The following ASPH variants were observed in gnomAD, a reference collection of about 807,000 sequenced individuals.
The protein encoded by ASPH is aspartyl/asparaginyl beta-hydroxylase.
A neutral mutation model predicts 118.4 loss-of-function variants in ASPH; 100 were observed. The observed-to-expected ratio is 0.84, with a 90% CI of 0.72 to 1.00. The LOEUF (loss-of-function observed/expected upper bound fraction) is 1.00, where lower values mean the gene tolerates loss of function less well. Among genes scored for constraint, ASPH ranks in the 50% least tolerant of loss-of-function variants. The pLI, the probability that ASPH is intolerant of heterozygous loss-of-function variation, is 0.00. For synonymous variants in ASPH, 315 were observed against 325.6 expected (o/e 0.97, Z 0.35); for missense variants, 920 against 919.5 (o/e 1.00, Z -0.01).
chr8:61,639,972 G>A (rs1212036406), intron 10 of ASPH, among the ~76,000 whole-genome samples: 2 of 152,156 alleles, frequency 1.3e-5, no homozygotes, highest in African/African-American at 2.4e-5. Flanking sequence ...TACCTTCTAA[G>A]CATTTCTCAA....
intron 24 of ASPH, among the ~76,000 whole-genome samples, chr8:61,516,684 T>A (rs1279864356): frequency 6.6e-6 from 1 of 152,218 alleles, no homozygotes; most frequent in Admixed American, 6.5e-5. Context: ...TGAGAGGTTC[T>A]ATTTTTATAA....
At chr8:61,626,686 GC>G (rs1302015930) in intron 13 of ASPH, among the ~76,000 whole-genome samples, 1 of 149,248 alleles carries the variant, frequency 6.7e-6, no homozygotes, top group African/African-American at 2.5e-5. Context: ...AAAATATATT[GC>G]TTTAAAAATT....
intron 21 of ASPH, among the ~76,000 whole-genome samples, chr8:61,528,149 G>A (rs80243674): frequency 6.6e-6 from 1 of 152,076 alleles, no homozygotes; most frequent in Non-Finnish European, 1.5e-5. Flanking sequence ...CACCAACTAG[G>A]TTCCATATTA....
At position 61,672,523 on chromosome 8, in the gene ASPH, T is replaced by TAAA. The variant is rs111934417; in HGVS notation, c.322+8442_322+8444dup. ...ACCACTTATTTAAACCAGTTTTTTT[T>TAAA]AAAAAAAAAAAACTCAGTATTTTAT... On this transcript the variant is annotated intron_variant, in intron 3 of 24. Transcript: ENST00000379454. Among the ~76,000 whole-genome samples, 6 of 147,600 alleles carry TAAA rather than the reference T, an allele frequency of 4.1e-5. No homozygotes were observed. In the South Asian group the frequency reaches 6.4e-4, roughly 16 times the overall value.
At chr8:61,548,323 G>T in intron 20 of ASPH, 115 bp from the exon 21 acceptor site, 2 of 1,275,926 alleles carry the variant, frequency 1.6e-6, no homozygotes, top group Non-Finnish European at 1.0e-6. Flanking sequence ...TAAATAAAGA[G>T]CTTACTGCTA....
chr8:61,694,433 C>T (rs954771210), intron 1 of ASPH, among the ~76,000 whole-genome samples: 5 of 152,186 alleles, frequency 3.3e-5, no homozygotes, highest in African/African-American at 1.2e-4. Flanking sequence ...CTGTAGGCTT[C>T]CATCTGGTTT....
At position 61,579,493 on chromosome 8, in the gene ASPH, C is replaced by T. The variant is rs550795299; in HGVS notation, c.1063-2635G>A. ...AGCGGCTATGCAGGTGGTCTGAGCT[C>T]GGCCTATGGGGGCCTCACAAGCCCC... is the stretch of plus-strand genomic sequence containing the variant. On this transcript the variant is annotated intron_variant, in intron 15 of 24. Coordinates refer to ENST00000379454, the MANE Select transcript of ASPH (RefSeq NM_004318.4). 344 of 1,592,112 alleles carry T rather than the reference C, an allele frequency of 2.2e-4. 1 individual carries two copies. In the African/African-American group the frequency reaches 3.7e-3, roughly 17 times the overall value.
intron 3 of ASPH, among the ~76,000 whole-genome samples, chr8:61,672,468 T>C (rs1823076419): frequency 6.6e-6 from 1 of 152,068 alleles, no homozygotes; most frequent in East Asian, 1.9e-4. Context: ...AAATGTCATT[T>C]CTATTGCAAA....
intron 2 of ASPH, 111 bp from the exon 3 acceptor site, chr8:61,681,147 A>T: frequency 1.3e-6 from 1 of 795,684 alleles, no homozygotes; most frequent in Non-Finnish European, 1.9e-6. Context: ...ACCAATTAAT[A>T]CAATTCTTTG....
At chr8:61,504,194 G>A (rs907152760) in intron 24 of ASPH, among the ~76,000 whole-genome samples, 2 of 152,168 alleles carry the variant, frequency 1.3e-5, no homozygotes, top group Non-Finnish European at 1.5e-5. Context: ...AGTCTATTAA[G>A]AGAGAAACAT....
chr8:61,612,319 A>G (rs923707772), intron 14 of ASPH, among the ~76,000 whole-genome samples: 1 of 152,100 alleles, frequency 6.6e-6, no homozygotes, highest in Non-Finnish European at 1.5e-5. Context: ...ACTTGAAGAT[A>G]TAATAATATA....
At chr8:61,587,599 TA>T (rs1839851187) in intron 14 of ASPH, among the ~76,000 whole-genome samples, 1 of 152,226 alleles carries the variant, frequency 6.6e-6, no homozygotes, top group Non-Finnish European at 1.5e-5. Flanking sequence ...AGCAAAATTA[TA>T]TGCTTGTTAA....
intron 5 of ASPH, 129 bp downstream of exon 5, chr8:61,650,921 A>C: frequency 1.1e-6 from 1 of 895,078 alleles, no homozygotes. Flanking sequence ...CTAACTTTGA[A>C]TTCAAAAACT....
intron 18 of ASPH, among the ~76,000 whole-genome samples, chr8:61,557,189 T>C (rs1435268422): frequency 6.6e-6 from 1 of 152,100 alleles, no homozygotes; most frequent in African/African-American, 2.4e-5. Flanking sequence ...TAGTCCACTC[T>C]CCGCTTGCTA....
At chr8:61,624,854 G>A (rs986111695) in intron 13 of ASPH, 1 of 985,520 alleles carries the variant, frequency 1.0e-6, no homozygotes, top group Non-Finnish European at 1.2e-6. Context: ...ATTATAATTT[G>A]AGTATCATCT....
At chr8:61,559,555 T>C (rs1829056187) in intron 18 of ASPH, among the ~76,000 whole-genome samples, 1 of 152,172 alleles carries the variant, frequency 6.6e-6, no homozygotes, top group Non-Finnish European at 1.5e-5. Context: ...CAGTACAAAC[T>C]CTTTGCGTGA....
At chr8:61,594,191 A>G (rs1027536249) in intron 14 of ASPH, among the ~76,000 whole-genome samples, 1 of 152,214 alleles carries the variant, frequency 6.6e-6, no homozygotes, top group African/African-American at 2.4e-5. Context: ...TAAAATCAGA[A>G]TTATAGTCTC....
Position 61,501,132 on chromosome 8 carries a change from A to AAAAT in ASPH, c.*2223_*2226dup, listed in dbSNP as rs1377632869. On this transcript the variant is annotated 3_prime_UTR_variant, in exon 25 of 25. Coordinates refer to ENST00000379454, the MANE Select transcript of ASPH (RefSeq NM_004318.4). ...TTTTGTGTAGACATACGAAATCACA[A>AAAAT]AAATAATAACACTGAAATAATTCTA... The AAAAT allele has an allele frequency of 6.6e-6, 1 of 152,156 alleles. No homozygotes were observed. The highest frequency in any genetic ancestry group is 2.4e-5 in the African/African-American group (1 of 41,408). The allele number at this position is 152,156 out of a possible 1,614,324, so 9.4% of individuals were successfully genotyped here.
intron 5 of ASPH, among the ~76,000 whole-genome samples, chr8:61,650,723 C>T (rs964763939): frequency 2.6e-5 from 4 of 152,136 alleles, no homozygotes; most frequent in Non-Finnish European, 4.4e-5. Flanking sequence ...TGGATGAACC[C>T]GACCGTGGGC....
Sources: allele counts gnomAD v4.1 joint callset (sites outside exome capture counted in the v4.1 genomes callset), GRCh38; gene constraint gnomAD v4.1.1; transcripts MANE v1.5; gene names NCBI Gene and HGNC (gene_info 2026-07-23, HGNC 2026-07-21).